The following NBEA variants were observed in gnomAD, a reference collection of about 807,000 sequenced individuals.
NBEA encodes lysosomal-trafficking regulator 2.
In NBEA, 44 loss-of-function variants were observed where a neutral mutation model predicts 343.4. That is an observed-to-expected ratio of 0.13 (90% confidence interval 0.10 to 0.16). The LOEUF (loss-of-function observed/expected upper bound fraction) is 0.16, where lower values mean the gene tolerates loss of function less well. NBEA is among the 10% of genes least tolerant of loss of function. The pLI is 1.00. For missense variants in NBEA, 2,555 were observed against 3,631.3 expected, an observed-to-expected ratio of 0.70 and a Z score of 7.62; for synonymous variants, 1,175 against 1,238.7, an observed-to-expected ratio of 0.95 and a Z score of 1.08.
At chr13:35,077,586 A>G (rs1434522270) in intron 10 of NBEA, among the ~76,000 whole-genome samples, 1 of 152,082 alleles carries the variant, frequency 6.6e-6, no homozygotes, top group African/African-American at 2.4e-5. Flanking sequence ...CCCTCCATCC[A>G]TATTGCTACT....
chr13:35,048,696 G>A lies in NBEA; in HGVS notation c.845+12G>A. The stretch of plus-strand genomic sequence containing the variant: ...CCTTATCTTTATTGGTAAGTAATAT[G>A]TTTAATTTTAGTACTTTTTTCTTTA... On this transcript the variant is annotated intron_variant, in intron 5 of 58. Coordinates refer to ENST00000379939, the MANE Select transcript of NBEA (RefSeq NM_001385012.1). The A allele has an allele frequency of 1.6e-6, 2 of 1,253,616 alleles. No individual in the cohort carries two copies. Among genetic ancestry groups the A allele is most frequent in the Non-Finnish European group, 1.1e-6 (1 of 892,412 alleles). 77.7% of individuals were successfully genotyped at this position (1,253,616 alleles called of 1,614,324 possible).
At chr13:35,092,264 TAA>T (rs2065122296) in intron 10 of NBEA, among the ~76,000 whole-genome samples, 1 of 151,968 alleles carries the variant, frequency 6.6e-6, no homozygotes, top group African/African-American at 2.4e-5. Context: ...CATGAAACTC[TAA>T]AACTTTTATG....
intron 40 of NBEA, among the ~76,000 whole-genome samples, chr13:35,467,201 C>A (rs183801808): frequency 2.6e-5 from 4 of 152,064 alleles, no homozygotes; most frequent in African/African-American, 9.7e-5. Flanking sequence ...TGGCCAGGTG[C>A]GGTGGCTCAG....
At chr13:35,351,088 C>A (rs925721098) in intron 37 of NBEA, among the ~76,000 whole-genome samples, 8 of 151,900 alleles carry the variant, frequency 5.3e-5, no homozygotes, top group Non-Finnish European at 1.2e-4. Flanking sequence ...ATTAATCCTT[C>A]TTAGATTACT....
chr13:35,445,257 TG>T (rs2045940210), intron 39 of NBEA, among the ~76,000 whole-genome samples: 1 of 152,154 alleles, frequency 6.6e-6, no homozygotes, highest in Non-Finnish European at 1.5e-5. Context: ...GCATTAACTA[TG>T]TTCTTTTTCA....
chr13:35,207,083 A>G lies in NBEA; in HGVS notation c.5367-1617A>G, dbSNP rs555493860. Reference sequence around the variant, plus strand: ...GAAATTTTTTGGCATGAGTAAAACTATTTAAGATTATAATACCTTAATTAT... The same window carrying G: ...GAAATTTTTTGGCATGAGTAAAACTGTTTAAGATTATAATACCTTAATTAT... On this transcript the variant is annotated intron_variant, in intron 31 of 58. Coordinates refer to ENST00000379939, the MANE Select transcript of NBEA (RefSeq NM_001385012.1). Among the ~76,000 whole-genome samples the G allele has an allele frequency of 4.0e-3, 607 of 152,146 alleles. 3 individuals are homozygous for G. Among genetic ancestry groups the G allele is most frequent in the African/African-American group, 0.014 (587 of 41,554 alleles).
At chr13:35,499,408 T>C (rs551476064) in intron 41 of NBEA, among the ~76,000 whole-genome samples, 33 of 152,200 alleles carry the variant, frequency 2.2e-4, no homozygotes, top group African/African-American at 7.9e-4. Flanking sequence ...ACTCTTTGGC[T>C]TGGAGTCCGT....
In NBEA at chr13:35,593,464, G is replaced by T; in HGVS notation, c.7296+17G>T. On this transcript the variant is annotated intron_variant, in intron 47 of 58. Transcript: ENST00000379939. The stretch of plus-strand genomic sequence containing the variant: ...GATGTAAAGGTAGGCTCTTTTATTT[G>T]TTGATATTCATTAAATTTCAAAATA... 1 of 1,578,416 alleles carries T rather than the reference G, an allele frequency of 6.3e-7. No homozygotes were observed.
At position 35,550,922 on chromosome 13, in the gene NBEA, T is replaced by A. The variant is rs767872197; in HGVS notation, c.6704-8T>A. On this transcript the variant is annotated splice_polypyrimidine_tract_variant and splice_region_variant and intron_variant, in intron 42 of 58. Coordinates refer to ENST00000379939, the MANE Select transcript of NBEA (RefSeq NM_001385012.1). ...TTCTAAACTCTGTTTTTTTTCTTCT[T>A]ACCACAGCCTCAGTTATGTTTAATT... The A allele has an allele frequency of 6.4e-7, 1 of 1,566,428 alleles. No individual in the cohort carries two copies. The highest frequency in any genetic ancestry group is 8.8e-7 in the Non-Finnish European group (1 of 1,142,670).
intron 33 of NBEA, among the ~76,000 whole-genome samples, chr13:35,211,767 C>G (rs932429074): frequency 4.6e-5 from 7 of 151,984 alleles, no homozygotes; most frequent in Non-Finnish European, 1.0e-4. Context: ...TGCAGTGAGC[C>G]TAGATCACAC....
rs529046506 is a variant in NBEA at position 35,067,128 on chromosome 13, A to G, written c.1240-2780A>G. 2.6e-5 allele frequency among the ~76,000 whole-genome samples: 4 copies of G among 152,258 alleles called. No individual in the cohort carries two copies. The South Asian group carries it at 8.3e-4, about 32-fold the overall frequency. ...CTGTATATGTTACGAACCCAACATG[A>G]CGTAATTATTACTTCATATAATTGT... is the stretch of plus-strand genomic sequence containing the variant. On this transcript the variant is annotated intron_variant, in intron 8 of 58. Coordinates refer to ENST00000379939, the MANE Select transcript of NBEA (RefSeq NM_001385012.1).
intron 38 of NBEA, among the ~76,000 whole-genome samples, chr13:35,391,991 T>C (rs1009538847): frequency 1.3e-5 from 2 of 152,214 alleles, no homozygotes; most frequent in Admixed American, 6.5e-5. Context: ...GTTTGATCAA[T>C]AGTGGAGCTA....
chr13:35,516,543 T>C (rs1381479), intron 41 of NBEA, among the ~76,000 whole-genome samples: 25,714 of 152,170 alleles, frequency 0.17, 2,304 homozygotes, highest in Admixed American at 0.25. Flanking sequence ...GGTAATTTTA[T>C]AGTAAATGAT....
intron 41 of NBEA, among the ~76,000 whole-genome samples, chr13:35,508,508 GA>G (rs950411641): frequency 7.9e-5 from 12 of 152,060 alleles, no homozygotes; most frequent in Non-Finnish European, 1.5e-4. Flanking sequence ...TAGTAGCAGT[GA>G]AAAAAACAGA....
intron 34 of NBEA, 151 bp from the exon 35 acceptor site, chr13:35,290,238 T>A: frequency 9.5e-6 from 5 of 524,536 alleles, no homozygotes; most frequent in Non-Finnish European, 1.3e-5. Context: ...GCTAAAAATG[T>A]ATGCTAGGTG....
At chr13:35,185,607 T>C (rs1027023730) in intron 30 of NBEA, 7 of 152,142 alleles carry the variant, frequency 4.6e-5, no homozygotes, top group Non-Finnish European at 7.3e-5. Flanking sequence ...CTATGGGAAG[T>C]ATCCGGTTGT....
chr13:35,101,712 G>T (rs1276830446), intron 11 of NBEA, among the ~76,000 whole-genome samples: 2 of 150,872 alleles, frequency 1.3e-5, no homozygotes, highest in African/African-American at 2.4e-5. Flanking sequence ...TTTTCCTTTG[G>T]GATATCTTCT....
chr13:35,180,492 G>A (rs920200749), intron 28 of NBEA, among the ~76,000 whole-genome samples: 3 of 151,526 alleles, frequency 2.0e-5, no homozygotes, highest in Admixed American at 6.6e-5. Context: ...TACCACAGCC[G>A]TTGTTTTAAC....
chr13:35,284,557 A>G (rs755145516), intron 34 of NBEA, among the ~76,000 whole-genome samples: 18 of 152,196 alleles, frequency 1.2e-4, no homozygotes, highest in Non-Finnish European at 2.6e-4. Flanking sequence ...AAAATGTCCA[A>G]TTAACATAGT....
Sources: gnomAD v4.1 joint callset for allele counts (sites outside exome capture counted in the v4.1 genomes callset) on GRCh38, gnomAD v4.1.1 for gene constraint, MANE v1.5 for transcripts, NCBI Gene and HGNC (gene_info 2026-07-23, HGNC 2026-07-21) for gene names.